The following CSMD1 variants were observed in gnomAD, a reference collection of about 807,000 sequenced individuals.
CSMD1 encodes the protein CUB and sushi domain-containing protein 1.
Under a neutral mutation model 417.5 loss-of-function variants are expected in CSMD1, and 213 were observed. That is an observed-to-expected ratio of 0.51 (90% CI 0.46 to 0.57). CSMD1 has a LOEUF of 0.57. Among genes scored for constraint, CSMD1 ranks in the 20% least tolerant of loss-of-function variants. The pLI is 0.00. For missense variants in CSMD1, 6,923 were observed against 4,529.7 expected, an observed-to-expected ratio of 1.53 and a Z score of -15.17; for synonymous variants, 2,862 against 1,736.8, an observed-to-expected ratio of 1.65 and a Z score of -16.11.
At chr8:4,176,121 C>G in intron 3 of CSMD1, among the ~76,000 whole-genome samples, 1 of 152,044 alleles carries the variant, frequency 6.6e-6, no homozygotes, top group East Asian at 1.9e-4. Flanking sequence ...CAGAAAGTCT[C>G]AAGGGCAGTC....
chr8:4,164,582 G>A (rs1281639267), intron 3 of CSMD1, among the ~76,000 whole-genome samples: 1 of 152,062 alleles, frequency 6.6e-6, no homozygotes, highest in Non-Finnish European at 1.5e-5. Context: ...CTTCTTGAAT[G>A]TTTTCATAGT....
chr8:3,891,448 G>C (rs1806966961), intron 5 of CSMD1, among the ~76,000 whole-genome samples: 1 of 152,080 alleles, frequency 6.6e-6, no homozygotes, highest in Non-Finnish European at 1.5e-5. Context: ...GGGAGGCCAA[G>C]GTGGCAGAAT....
At chr8:4,442,735 T>C (rs573139918) in intron 2 of CSMD1, among the ~76,000 whole-genome samples, 2 of 152,200 alleles carry the variant, frequency 1.3e-5, no homozygotes. Flanking sequence ...ATACAATCAG[T>C]CACTATTTTA....
At chr8:4,529,814 A>T (rs1382642426) in intron 2 of CSMD1, among the ~76,000 whole-genome samples, 2 of 151,830 alleles carry the variant, frequency 1.3e-5, no homozygotes, top group Non-Finnish European at 2.9e-5. Context: ...CAAATTTTTC[A>T]TTTAAATCAA....
Position 3,636,441 on chromosome 8 carries a change from G to C in CSMD1, c.1010-19644C>G, listed in dbSNP as rs189207275. 2.1e-3 allele frequency among the ~76,000 whole-genome samples: 317 copies of C among 152,300 alleles called. 2 individuals carry two copies. The highest frequency in any genetic ancestry group is 7.4e-3 in the African/African-American group (308 of 41,572). On this transcript the variant is annotated intron_variant, in intron 7 of 69. Coordinates refer to ENST00000635120, the MANE Select transcript of CSMD1 (RefSeq NM_033225.6). Reference sequence around the variant, plus strand: ...GATCCGCCCGCCTCAGCCTCCCACAGTGGTAGGATTACAGGTGTGAGCCAC... The same window carrying C: ...GATCCGCCCGCCTCAGCCTCCCACACTGGTAGGATTACAGGTGTGAGCCAC...
At chr8:4,914,655 G>C (rs1805932664) in intron 1 of CSMD1, among the ~76,000 whole-genome samples, 1 of 151,452 alleles carries the variant, frequency 6.6e-6, no homozygotes, top group African/African-American at 2.4e-5. Context: ...TTTTGTAGCA[G>C]ATCCTCTGTT....
At position 3,993,893 on chromosome 8, in the gene CSMD1, T is replaced by G. The variant is rs17330443; in HGVS notation, c.818+4010A>C. ...AATGGGATCGACAAAAGATAGGCAGTGGGCGATTTCCACGTGGAAACGTGC... is the reference window on the plus strand; with the variant it reads ...AATGGGATCGACAAAAGATAGGCAGGGGGCGATTTCCACGTGGAAACGTGC... On this transcript the variant is annotated intron_variant, in intron 5 of 69. Transcript: ENST00000635120. Among the ~76,000 whole-genome samples, 49 of 152,232 alleles carry G rather than the reference T, an allele frequency of 3.2e-4. No individual in the cohort carries two copies. In the Middle Eastern group the frequency reaches 0.017, roughly 53 times the overall value.
intron 1 of CSMD1, among the ~76,000 whole-genome samples, chr8:4,929,166 T>C (rs1272007841): frequency 6.6e-6 from 1 of 152,020 alleles, no homozygotes; most frequent in Non-Finnish European, 1.5e-5. Flanking sequence ...GAGAAAGACA[T>C]CAGAGAAGCT....
Position 2,974,439 on chromosome 8 carries a change from TAAGCCCCTCACCTGTGCAGTGGGGCA to T in CSMD1, c.8726_8740+11del. The T allele has an allele frequency of 6.5e-7, 1 of 1,538,026 alleles. No homozygotes were observed. The highest frequency in any genetic ancestry group is 8.8e-7 in the Non-Finnish European group (1 of 1,137,744). ...ATCTGTAATTCTGTCAGTTCACTCG[TAAGCCCCTCACCTGTGCAGTGGGGCA>T]GTGCCCCGCTCCAGTGACTGTCTTC... On this transcript the variant is annotated splice_donor_variant and splice_donor_5th_base_variant and coding_sequence_variant and intron_variant, in exon 56 of 70. Transcript: ENST00000635120. LOFTEE classifies it high-confidence loss of function.
chr8:3,794,647 A>C (rs545163562), intron 5 of CSMD1, among the ~76,000 whole-genome samples: 8 of 152,068 alleles, frequency 5.3e-5, no homozygotes, highest in Middle Eastern at 3.2e-3. Flanking sequence ...ACATGACTAG[A>C]AGTTATGTGA....
At chr8:4,590,285 G>C (rs987934845) in intron 2 of CSMD1, among the ~76,000 whole-genome samples, 1 of 152,066 alleles carries the variant, frequency 6.6e-6, no homozygotes, top group African/African-American at 2.4e-5. Context: ...GGACAGAAAA[G>C]TTCTGGGAAG....
intron 5 of CSMD1, among the ~76,000 whole-genome samples, chr8:3,945,573 C>A (rs1429768589): frequency 6.6e-6 from 1 of 152,082 alleles, no homozygotes; most frequent in African/African-American, 2.4e-5. Context: ...AAAAAAATCT[C>A]TTAAAAGAAC....
chr8:4,976,762 C>T (rs1810584688), intron 1 of CSMD1, among the ~76,000 whole-genome samples: 1 of 152,132 alleles, frequency 6.6e-6, no homozygotes, highest in South Asian at 2.1e-4. Context: ...ACTTTCATGG[C>T]AAATGTGATA....
chr8:4,025,912 C>G (rs1797041062), intron 4 of CSMD1, among the ~76,000 whole-genome samples: 1 of 151,568 alleles, frequency 6.6e-6, no homozygotes, highest in Non-Finnish European at 1.5e-5. Flanking sequence ...TGTCATTATT[C>G]AGGGAAAATA....
chr8:2,957,242 G>A (rs770192682), intron 63 of CSMD1, among the ~76,000 whole-genome samples: 13 of 152,218 alleles, frequency 8.5e-5, no homozygotes, highest in Non-Finnish European at 1.9e-4. Flanking sequence ...CTTAGACTCT[G>A]ACATATGACG....
At chr8:4,418,917 C>T (rs118023581) in intron 3 of CSMD1, among the ~76,000 whole-genome samples, 105 of 152,224 alleles carry the variant, frequency 6.9e-4, no homozygotes, top group South Asian at 6.0e-3. Context: ...TTATTCCACA[C>T]GTAACTTTAA....
intron 7 of CSMD1, among the ~76,000 whole-genome samples, chr8:3,665,095 A>T (rs1227897425): frequency 6.6e-6 from 1 of 152,220 alleles, no homozygotes; most frequent in East Asian, 1.9e-4. Flanking sequence ...CTAAGAGGTT[A>T]ACAATGCTTA....
At chr8:3,469,692 G>C (rs538173707) in intron 11 of CSMD1, among the ~76,000 whole-genome samples, 121 of 152,308 alleles carry the variant, frequency 7.9e-4, no homozygotes, top group African/African-American at 2.8e-3. Flanking sequence ...ATGAGCATAT[G>C]ATTTGCCCCA....
rs55757538 is a variant in CSMD1 at position 3,485,538 on chromosome 8, C to CAGAGAG, written c.1448+8079_1448+8084dup. On this transcript the variant is annotated intron_variant, in intron 11 of 69. Transcript: ENST00000635120. Reference sequence around the variant, plus strand: ...AACTTCATAACAATACACACACACACAGAGAGAGAGAGAGAGAGAGAGAGA... The same window carrying CAGAGAG: ...AACTTCATAACAATACACACACACACAGAGAGAGAGAGAGAGAGAGAGAGAGAGAGA... Among the ~76,000 whole-genome samples, 52 of 135,016 alleles carry CAGAGAG rather than the reference C, an allele frequency of 3.9e-4. No individual in the cohort carries two copies. In the East Asian group the frequency reaches 4.1e-3, roughly 11 times the overall value. 88.6% of individuals were successfully genotyped at this position (135,016 alleles called of 152,430 possible). A position where few individuals can be genotyped will look rare whatever the true frequency, so the allele number is the denominator to read the frequency against.
Sources: allele counts gnomAD v4.1 joint callset (sites outside exome capture counted in the v4.1 genomes callset), GRCh38; gene constraint gnomAD v4.1.1; transcripts MANE v1.5; gene names NCBI Gene and HGNC (gene_info 2026-07-23, HGNC 2026-07-21).